LEMD2: variants seen among roughly 807,000 people sequenced by gnomAD.
LEMD2 encodes LEM domain nuclear envelope protein 2.
In LEMD2, 34 loss-of-function variants were observed where a neutral mutation model predicts 58.8. That is an observed-to-expected ratio of 0.58 (90% CI 0.44 to 0.77). The LOEUF (loss-of-function observed/expected upper bound fraction) is 0.77, where lower values mean the gene tolerates loss of function less well. Ranked by LOEUF, LEMD2 falls within the 30% of genes least tolerant of loss-of-function variation. The probability of loss-of-function intolerance (pLI) is 0.00; values close to 1 mark genes in which losing one functional copy is unlikely to be tolerated. For synonymous variants in LEMD2, 298 were observed against 308.9 expected (o/e 0.96, Z 0.37); for missense variants, 629 against 717.9 (o/e 0.88, Z 1.42).
intron 2 of LEMD2, among the ~76,000 whole-genome samples, chr6:33,786,131 C>A (rs549482549): frequency 6.6e-6 from 1 of 152,352 alleles, no homozygotes; most frequent in Admixed American, 6.5e-5. Context: ...CATATCTTCT[C>A]CAGACTGTCA....
intron 2 of LEMD2, among the ~76,000 whole-genome samples, chr6:33,785,055 G>A (rs1767646035): frequency 6.6e-6 from 1 of 152,152 alleles, no homozygotes; most frequent in Non-Finnish European, 1.5e-5. Flanking sequence ...CCCACTCCCA[G>A]CCTGTCCCCA....
At chr6:33,781,014 T>A in intron 4 of LEMD2, 63 bp downstream of exon 4, 1 of 1,159,906 alleles carries the variant, frequency 8.6e-7, no homozygotes. Context: ...CAACAGGGCT[T>A]GAAAGACCAA....
intron 2 of LEMD2, among the ~76,000 whole-genome samples, chr6:33,785,467 C>G (rs1246887910): frequency 6.6e-6 from 1 of 152,204 alleles, no homozygotes; most frequent in East Asian, 1.9e-4. Context: ...CTGGAGGGTA[C>G]CTGTCTGGGC....
At chr6:33,777,550 T>C (rs1427706484) in intron 6 of LEMD2, among the ~76,000 whole-genome samples, 1 of 152,182 alleles carries the variant, frequency 6.6e-6, no homozygotes, top group South Asian at 2.1e-4. Context: ...AACACAGTGT[T>C]TCATACATAT....
At position 33,772,354 on chromosome 6, in the gene LEMD2, A is replaced by G. The variant is rs1255239663; in HGVS notation, c.*274T>C. ...CAGCTGCTGCTCTTGTTTTCTATTC[A>G]TGAAAACTCAACCCTTCTCCCCGTT... On this transcript the variant is annotated 3_prime_UTR_variant, in exon 9 of 9. Coordinates refer to ENST00000293760, the MANE Select transcript of LEMD2 (RefSeq NM_181336.4). The G allele has an allele frequency of 1.7e-5, 5 of 298,768 alleles. No individual in the cohort carries two copies. Among genetic ancestry groups the G allele is most frequent in the Non-Finnish European group, 3.1e-5 (5 of 161,574 alleles). The allele number at this position is 298,768 out of a possible 1,614,324, so 18.5% of individuals were successfully genotyped here. A position where few individuals can be genotyped will look rare whatever the true frequency, so the allele number is the denominator to read the frequency against.
chr6:33,788,771 C>A lies in LEMD2; in HGVS notation c.346G>T (p.Gly116Trp). Residue 116 changes from glycine to tryptophan, a missense_variant, in exon 1 of 9, where the codon GGG becomes TGG. Gly to Trp is a radical substitution (Grantham distance 184). Coordinates refer to ENST00000293760, the MANE Select transcript of LEMD2 (RefSeq NM_181336.4). ...DIRPSAASWV[G>W]SRGLAYPARP... ...GCAGGATAGGCGAGGCCGCGGCTCC[C>A]TACCCAGGAAGCCGCGGAGGGCCGG... is the stretch of plus-strand genomic sequence containing the variant. 6.9e-7 allele frequency: 1 copy of A among 1,452,304 alleles called. No homozygotes were observed. The highest frequency in any genetic ancestry group is 2.0e-4 in the Middle Eastern group (1 of 4,964). 90.0% of individuals were successfully genotyped at this position (1,452,304 alleles called of 1,614,324 possible).
intron 1 of LEMD2, 95 bp from the exon 2 acceptor site, chr6:33,786,869 A>G: frequency 6.4e-7 from 1 of 1,559,802 alleles, no homozygotes; most frequent in Non-Finnish European, 8.7e-7. Context: ...GGAGTAAAGC[A>G]TTACCAAGCC....
At chr6:33,780,317 G>A (rs901787048) in intron 4 of LEMD2, 138 bp from the exon 5 acceptor site, 3 of 756,626 alleles carry the variant, frequency 4.0e-6, no homozygotes, top group Non-Finnish European at 6.9e-6. Flanking sequence ...GCACAGCAAA[G>A]TGGCAGGAAG....
chr6:33,786,513 C>A (rs1582263541), intron 2 of LEMD2, among the ~76,000 whole-genome samples: 2 of 152,208 alleles, frequency 1.3e-5, no homozygotes, highest in South Asian at 4.1e-4. Flanking sequence ...GTGTCCATAA[C>A]AAGCCCAGGG....
chr6:33,774,042 G>GCT (rs1418055183), intron 8 of LEMD2, among the ~76,000 whole-genome samples: 3 of 152,200 alleles, frequency 2.0e-5, no homozygotes, highest in Non-Finnish European at 2.9e-5. Context: ...TTGGGTGGTA[G>GCT]CTCCGGCTGC....
intron 6 of LEMD2, 62 bp from the exon 7 acceptor site, chr6:33,777,301 G>T: frequency 9.1e-7 from 1 of 1,104,662 alleles, no homozygotes; most frequent in Non-Finnish European, 1.4e-6. Context: ...TCTCACCATG[G>T]ACAAGATGCT....
rs202201084 is a variant in LEMD2 at position 33,772,604 on chromosome 6, C to T, written c.*24G>A. ...GTGGGCTGTCCTGGGACAGGCTGAC[C>T]GGGAACAAGTCCCCGCCCGGGGCTT... On this transcript the variant is annotated 3_prime_UTR_variant, in exon 9 of 9. Coordinates refer to ENST00000293760, the MANE Select transcript of LEMD2 (RefSeq NM_181336.4). The T allele has an allele frequency of 6.9e-6, 11 of 1,605,554 alleles. No homozygotes were observed. Among genetic ancestry groups the T allele is most frequent in the South Asian group, 2.2e-5 (2 of 89,500 alleles).
chr6:33,784,469 T>TGGGGGGGG, intron 2 of LEMD2, 42 bp from the exon 3 acceptor site: 4 of 36,548 alleles, frequency 1.1e-4, no homozygotes, highest in East Asian at 8.3e-4. Flanking sequence ...GAGGGGTGGG[T>TGGGGGGGG]GGGAGGGGTC....
At chr6:33,773,254 G>A (rs547222739) in intron 8 of LEMD2, among the ~76,000 whole-genome samples, 4 of 152,316 alleles carry the variant, frequency 2.6e-5, no homozygotes, top group South Asian at 4.1e-4. Context: ...AGGCCAAGAA[G>A]CTGGAGCTGC....
rs1440201725 is a variant in LEMD2, at chr6:33,784,441, G to A, written c.778-14C>T. 2 of 995,314 alleles carry A rather than the reference G, an allele frequency of 2.0e-6. No homozygotes were observed. The highest frequency in any genetic ancestry group is 1.3e-5 in the South Asian group (1 of 79,526). 61.7% of individuals were successfully genotyped at this position (995,314 alleles called of 1,614,324 possible). ...GGCCTGACAGAACTGGAAAGGCACG[G>A]GACAAGTGGTCAGCAAGGAGGGGTG... On this transcript the variant is annotated splice_polypyrimidine_tract_variant and intron_variant, in intron 2 of 8. Transcript: ENST00000293760.
At chr6:33,773,599 G>GGC (rs71000003) in intron 8 of LEMD2, among the ~76,000 whole-genome samples, 1 of 151,284 alleles carries the variant, frequency 6.6e-6, no homozygotes, top group African/African-American at 2.4e-5. Flanking sequence ...GGAGGCGGGG[G>GGC]GGGGGCTAGG....
chr6:33,788,445 G>A lies in LEMD2; in HGVS notation c.672C>T (p.Val224=). Reference sequence around the variant, plus strand: ...TCTTCACCCAAAGGATGCCCAGGAAGACGAGCAGTAGCCCTAGGCTGGCCC... The same window carrying A: ...TCTTCACCCAAAGGATGCCCAGGAAAACGAGCAGTAGCCCTAGGCTGGCCC... ...LLWASLGLLL[V]FLGILWVKMG... is the part of the protein sequence containing the mutation. Residue 224 remains valine (V), a synonymous_variant, in exon 1 of 9, where the codon GTC becomes GTT. Coordinates refer to ENST00000293760, the MANE Select transcript of LEMD2 (RefSeq NM_181336.4). 6.3e-7 allele frequency: 1 copy of A among 1,581,482 alleles called. No individual in the cohort carries two copies. Among genetic ancestry groups the A allele is most frequent in the South Asian group, 1.2e-5 (1 of 86,682 alleles).
At chr6:33,776,774 T>C in intron 8 of LEMD2, 180 bp downstream of exon 8, 1 of 622,884 alleles carries the variant, frequency 1.6e-6, no homozygotes, top group South Asian at 1.8e-5. Flanking sequence ...TAGCTCATCC[T>C]GCCATAAAGA....
chr6:33,777,873 A>G (rs1453691000), intron 6 of LEMD2, among the ~76,000 whole-genome samples: 1 of 152,174 alleles, frequency 6.6e-6, no homozygotes, highest in Non-Finnish European at 1.5e-5. Flanking sequence ...TTCAGGGAGT[A>G]AAAGTAGGCC....
Sources: gnomAD v4.1 joint callset for allele counts (sites outside exome capture counted in the v4.1 genomes callset) on GRCh38, gnomAD v4.1.1 for gene constraint, MANE v1.5 for transcripts, NCBI Gene and HGNC (gene_info 2026-07-23, HGNC 2026-07-21) for gene names.